The following KDM4C variants were observed in gnomAD, a reference collection of about 807,000 sequenced individuals.
The protein encoded by KDM4C is lysine demethylase 4C.
In KDM4C, 81 loss-of-function variants were observed where a neutral mutation model predicts 129.3. That is an observed-to-expected ratio of 0.63 (90% CI 0.52 to 0.75). KDM4C has a LOEUF of 0.75. Ranked by LOEUF, KDM4C falls within the 30% of genes least tolerant of loss-of-function variation. The pLI, the probability that KDM4C is intolerant of heterozygous loss-of-function variation, is 0.00. For synonymous variants in KDM4C, 573 were observed against 456.1 expected, an observed-to-expected ratio of 1.26 and a Z score of -3.26; for missense variants, 1,457 against 1,304.0, an observed-to-expected ratio of 1.12 and a Z score of -1.81.
intron 8 of KDM4C, among the ~76,000 whole-genome samples, chr9:6,963,240 TA>T (rs1263243800): frequency 6.6e-6 from 1 of 152,110 alleles, no homozygotes; most frequent in Non-Finnish European, 1.5e-5. Context: ...AGTAAGCAAA[TA>T]AAAAAATACT....
intron 19 of KDM4C, among the ~76,000 whole-genome samples, chr9:7,130,746 A>G (rs1840536386): frequency 6.6e-6 from 1 of 152,048 alleles, no homozygotes; most frequent in Non-Finnish European, 1.5e-5. Flanking sequence ...GTGGGTGAAT[A>G]GTAATGTCTT....
At chr9:6,820,048 G>C (rs917925283) in intron 4 of KDM4C, among the ~76,000 whole-genome samples, 1 of 152,110 alleles carries the variant, frequency 6.6e-6, no homozygotes, top group Admixed American at 6.5e-5. Flanking sequence ...TCTTGGAGAG[G>C]GTATGGGGAG....
intron 6 of KDM4C, among the ~76,000 whole-genome samples, chr9:6,883,197 G>A (rs1368834722): frequency 1.3e-5 from 2 of 152,090 alleles, no homozygotes; most frequent in South Asian, 2.1e-4. Flanking sequence ...CTCTCAAAAT[G>A]GTAAATATTA....
At chr9:7,120,636 T>C (rs987913197) in intron 18 of KDM4C, among the ~76,000 whole-genome samples, 4 of 152,220 alleles carry the variant, frequency 2.6e-5, no homozygotes, top group Non-Finnish European at 4.4e-5. Flanking sequence ...GTGGTGATTA[T>C]TAAAAACAGT....
chr9:6,874,051 C>T (rs1843206415), intron 5 of KDM4C, among the ~76,000 whole-genome samples: 1 of 151,830 alleles, frequency 6.6e-6, no homozygotes, highest in African/African-American at 2.4e-5. Context: ...TTTGTGGTGC[C>T]CCCAAACAAT....
At chr9:7,130,446 T>G (rs1276346228) in intron 19 of KDM4C, among the ~76,000 whole-genome samples, 1 of 152,228 alleles carries the variant, frequency 6.6e-6, no homozygotes, top group Non-Finnish European at 1.5e-5. Context: ...ATTTCCTTCC[T>G]CTGTGAACCA....
chr9:6,919,505 G>A (rs1031989798), intron 8 of KDM4C, among the ~76,000 whole-genome samples: 3 of 149,106 alleles, frequency 2.0e-5, no homozygotes, highest in African/African-American at 7.5e-5. Flanking sequence ...AAGAAGAATT[G>A]CCTATATTTC....
chr9:6,887,277 C>T (rs187687478), intron 6 of KDM4C, among the ~76,000 whole-genome samples: 41 of 152,248 alleles, frequency 2.7e-4, no homozygotes, highest in East Asian at 5.8e-4. Context: ...TTGAAGTCAG[C>T]GATGGAGAAA....
intron 17 of KDM4C, among the ~76,000 whole-genome samples, chr9:7,094,366 C>CT (rs1270540910): frequency 6.6e-6 from 1 of 151,880 alleles, no homozygotes; most frequent in East Asian, 1.9e-4. Flanking sequence ...TATTATTATA[C>CT]TTTAAGTTTT....
At chr9:6,929,017 C>A (rs557421841) in intron 8 of KDM4C, among the ~76,000 whole-genome samples, 1 of 152,316 alleles carries the variant, frequency 6.6e-6, no homozygotes, top group Admixed American at 6.5e-5. Flanking sequence ...GCTTCATCTT[C>A]CTGCTTTCCT....
intron 15 of KDM4C, among the ~76,000 whole-genome samples, chr9:7,031,235 T>A (rs1025561505): frequency 2.0e-5 from 3 of 152,050 alleles, no homozygotes; most frequent in Non-Finnish European, 2.9e-5. Context: ...TGATCTTGGT[T>A]CACTGCAACC....
intron 1 of KDM4C, among the ~76,000 whole-genome samples, chr9:6,788,210 G>A (rs1036491083): frequency 6.6e-6 from 1 of 152,078 alleles, no homozygotes; most frequent in African/African-American, 2.4e-5. Flanking sequence ...TTCATAGCAT[G>A]TACTTTTTAT....
At chr9:6,841,847 C>G (rs1836984646) in intron 4 of KDM4C, among the ~76,000 whole-genome samples, 1 of 152,230 alleles carries the variant, frequency 6.6e-6, no homozygotes, top group South Asian at 2.1e-4. Flanking sequence ...CCCTGCCATT[C>G]TGCTGCCTCA....
chr9:7,083,711 ATG>A (rs142609948), intron 17 of KDM4C, among the ~76,000 whole-genome samples: 2,084 of 143,264 alleles, frequency 0.015, 42 homozygotes, highest in African/African-American at 0.046. Flanking sequence ...CACATGACTG[ATG>A]TGTGTGTGTG....
At chr9:6,792,587 C>T (rs1588296183) in intron 1 of KDM4C, among the ~76,000 whole-genome samples, 2 of 152,010 alleles carry the variant, frequency 1.3e-5, no homozygotes, top group African/African-American at 4.8e-5. Context: ...TGGGGTTTCA[C>T]CATGTTGGCT....
chr9:6,850,464 G>T (rs1366275907), intron 5 of KDM4C, among the ~76,000 whole-genome samples: 7 of 150,672 alleles, frequency 4.6e-5, no homozygotes, highest in Admixed American at 2.0e-4. Flanking sequence ...ATTTTTTTTT[G>T]AGATGAAGTC....
At chr9:7,097,281 T>C (rs12351031) in intron 17 of KDM4C, among the ~76,000 whole-genome samples, 7,694 of 152,312 alleles carry the variant, frequency 0.051, 591 homozygotes, top group African/African-American at 0.17. Flanking sequence ...CAGAGTCTGA[T>C]CTGGTGCTGA....
At chr9:7,130,298 C>T (rs146817482) in intron 19 of KDM4C, among the ~76,000 whole-genome samples, 144 of 152,220 alleles carry the variant, frequency 9.5e-4, no homozygotes, top group African/African-American at 3.4e-3. Context: ...ATTAATGAAC[C>T]CTAAATTCTC....
At chr9:6,945,120 C>G (rs973234096) in intron 8 of KDM4C, among the ~76,000 whole-genome samples, 3 of 152,158 alleles carry the variant, frequency 2.0e-5, no homozygotes, top group African/African-American at 7.2e-5. Context: ...CTCTTACTCA[C>G]TGCACGAACC....
Sources: allele counts gnomAD v4.1 joint callset (sites outside exome capture counted in the v4.1 genomes callset), GRCh38; gene constraint gnomAD v4.1.1; transcripts MANE v1.5; gene names NCBI Gene and HGNC (gene_info 2026-07-23, HGNC 2026-07-21).